The following INSR variants were observed in gnomAD, a reference collection of about 807,000 sequenced individuals.
The protein encoded by INSR is insulin receptor, also known as IR.
A neutral mutation model predicts 142.6 loss-of-function variants in INSR; 67 were observed. That is an observed-to-expected ratio of 0.47 (90% CI 0.39 to 0.58). INSR has a LOEUF of 0.58. INSR is among the 20% of genes least tolerant of loss of function. INSR has a pLI of 0.00. For synonymous variants in INSR, 756 were observed against 743.1 expected (o/e 1.02, Z -0.28); for missense variants, 1,248 against 1,833.2 (o/e 0.68, Z 5.83).
chr19:7,253,460 A>G (rs780813227), intron 2 of INSR, among the ~76,000 whole-genome samples: 11 of 151,218 alleles, frequency 7.3e-5, no homozygotes, highest in Non-Finnish European at 1.2e-4. Flanking sequence ...CTGGTCTCGA[A>G]CTCCTGACCT....
intron 13 of INSR, among the ~76,000 whole-genome samples, chr19:7,135,976 A>AAAAAAG (rs60435269): frequency 6.8e-6 from 1 of 146,522 alleles, no homozygotes; most frequent in Non-Finnish European, 1.5e-5. Flanking sequence ...TCAAAAAAAA[A>AAAAAAG]AAAGAAAGAA....
At chr19:7,184,248 C>T (rs1375409588) in intron 3 of INSR, 68 bp downstream of exon 3, 3 of 1,393,170 alleles carry the variant, frequency 2.2e-6, no homozygotes, top group Non-Finnish European at 3.0e-6. Context: ...TAACAAGCGG[C>T]ATCGTCACAA....
intron 3 of INSR, among the ~76,000 whole-genome samples, chr19:7,183,814 T>A (rs1019827052): frequency 4.6e-5 from 7 of 152,058 alleles, no homozygotes; most frequent in African/African-American, 1.7e-4. Context: ...ATCACAGCAC[T>A]TTGAGAGGCC....
At chr19:7,120,553 C>T in intron 20 of INSR, 67 bp downstream of exon 20, 1 of 1,601,508 alleles carries the variant, frequency 6.2e-7, no homozygotes, top group Admixed American at 1.7e-5. Context: ...CCTTCCCCCG[C>T]TCTTGGCTCT....
intron 21 of INSR, among the ~76,000 whole-genome samples, chr19:7,118,657 G>A (rs1410981165): frequency 1.3e-5 from 2 of 151,458 alleles, no homozygotes; most frequent in East Asian, 3.9e-4. Flanking sequence ...ATTAACAGGC[G>A]GCTGTAATCC....
At chr19:7,237,481 C>T (rs1376827259) in intron 2 of INSR, among the ~76,000 whole-genome samples, 2 of 151,228 alleles carry the variant, frequency 1.3e-5, no homozygotes, top group East Asian at 2.0e-4. Context: ...CATGCCACTG[C>T]ACTCCAACCT....
chr19:7,117,444 T>A (rs2144790762), intron 21 of INSR, 34 bp from the exon 22 acceptor site: 1 of 1,540,640 alleles, frequency 6.5e-7, no homozygotes, highest in South Asian at 1.2e-5. Context: ...TGGGTGAGTC[T>A]GGGGGCCCTG....
chr19:7,239,838 C>T (rs1464747707), intron 2 of INSR, among the ~76,000 whole-genome samples: 1 of 151,770 alleles, frequency 6.6e-6, no homozygotes, highest in Non-Finnish European at 1.5e-5. Context: ...AAAAAAAAAG[C>T]ATTTGGCTTA....
intron 2 of INSR, among the ~76,000 whole-genome samples, chr19:7,207,944 A>AGGAGGGAG (rs142282913): frequency 4.3e-5 from 2 of 46,430 alleles, no homozygotes; most frequent in East Asian, 2.2e-3. Flanking sequence ...AAGGAAGGGA[A>AGGAGGGAG]GGAGGGAGGG....
At chr19:7,198,293 C>T (rs192727489) in intron 2 of INSR, among the ~76,000 whole-genome samples, 2,300 of 151,802 alleles carry the variant, frequency 0.015, 67 homozygotes, top group African/African-American at 0.053. Flanking sequence ...CTCCGCTCCC[C>T]AGACTGGCGC....
Position 7,122,903 on chromosome 19 carries a change from G to A in INSR, c.3345C>T (p.Leu1115=), listed in dbSNP as rs1415558320. The A allele has an allele frequency of 6.2e-7, 1 of 1,608,606 alleles. No homozygotes were observed. Among genetic ancestry groups the A allele is most frequent in the Non-Finnish European group, 8.5e-7 (1 of 1,178,300 alleles). Reference sequence around the variant, plus strand: ...CCTCAGCCTCTGGCCGCAGAGAACGGAGGTAGCTCTTCAGGTCTCCGTGAG... The same window carrying A: ...CCTCAGCCTCTGGCCGCAGAGAACGAAGGTAGCTCTTCAGGTCTCCGTGAG... ...LMAHGDLKSY[L]RSLRPEAENN... The change falls in exon 18 of 22, where the codon CTC becomes CTT. Residue 1115 remains leucine (L), a synonymous_variant. Transcript: ENST00000302850.
At chr19:7,191,893 G>GAC (rs1974600131) in intron 2 of INSR, among the ~76,000 whole-genome samples, 4 of 147,176 alleles carry the variant, frequency 2.7e-5, no homozygotes, top group Non-Finnish European at 4.5e-5. Flanking sequence ...GAGGAAGGGA[G>GAC]AGAGAGAAAA....
intron 15 of INSR, 82 bp from the exon 16 acceptor site, chr19:7,126,733 G>T: frequency 8.2e-7 from 1 of 1,217,168 alleles, no homozygotes. Flanking sequence ...ACTCCCCAAG[G>T]CAAATGGCAG....
intron 2 of INSR, among the ~76,000 whole-genome samples, chr19:7,260,783 C>T (rs1600104107): frequency 6.6e-6 from 1 of 152,046 alleles, no homozygotes; most frequent in African/African-American, 2.4e-5. Flanking sequence ...ATAATGACCC[C>T]CATTTTTCAG....
At chr19:7,290,381 A>T (rs1357893149) in intron 1 of INSR, among the ~76,000 whole-genome samples, 1 of 151,856 alleles carries the variant, frequency 6.6e-6, no homozygotes, top group East Asian at 1.9e-4. Context: ...ACTCCAGCCT[A>T]AGCAACAGAG....
At chr19:7,144,013 T>TCACTG (rs990271546) in intron 11 of INSR, among the ~76,000 whole-genome samples, 6 of 149,592 alleles carry the variant, frequency 4.0e-5, no homozygotes, top group Admixed American at 4.0e-4. Flanking sequence ...TGAGATCGTG[T>TCACTG]CACTGCACTC....
intron 2 of INSR, among the ~76,000 whole-genome samples, chr19:7,255,809 G>A (rs1976871696): frequency 6.6e-6 from 1 of 151,966 alleles, no homozygotes; most frequent in South Asian, 2.1e-4. Flanking sequence ...CGAATTCTAG[G>A]TTCAAGTGAT....
intron 2 of INSR, among the ~76,000 whole-genome samples, chr19:7,233,761 C>T (rs1205052939): frequency 2.0e-5 from 3 of 150,196 alleles, no homozygotes; most frequent in Admixed American, 6.6e-5. Context: ...CTGCAAGCTC[C>T]GCCCCCTGGG....
At chr19:7,227,515 C>T (rs898933543) in intron 2 of INSR, among the ~76,000 whole-genome samples, 5 of 152,110 alleles carry the variant, frequency 3.3e-5, no homozygotes, top group Non-Finnish European at 7.4e-5. Context: ...TCAAGCGATC[C>T]GCTTGCCTCA....
Sources: allele counts gnomAD v4.1 joint callset (sites outside exome capture counted in the v4.1 genomes callset), GRCh38; gene constraint gnomAD v4.1.1; transcripts MANE v1.5; gene names NCBI Gene and HGNC (gene_info 2026-07-23, HGNC 2026-07-21).